Variants in SPOCK3 observed in about 807,000 individuals in gnomAD.
SPOCK3 encodes SPARC (osteonectin), cwcv and kazal like domains proteoglycan 3, also known as testican-3.
In SPOCK3, 30 loss-of-function variants were observed where a neutral mutation model predicts 56.6. The observed-to-expected ratio is 0.53, with a 90% confidence interval of 0.40 to 0.72. The LOEUF is 0.72. Ranked by LOEUF, SPOCK3 falls within the 30% of genes least tolerant of loss-of-function variation. The probability of loss-of-function intolerance (pLI) is 0.00; values close to 1 mark genes in which losing one functional copy is unlikely to be tolerated. For synonymous variants in SPOCK3, 196 were observed against 183.3 expected (o/e 1.07, Z -0.56); for missense variants, 527 against 530.0 (o/e 0.99, Z 0.06).
intron 2 of SPOCK3, among the ~76,000 whole-genome samples, chr4:167,110,752 C>T (rs887444412): frequency 1.3e-5 from 2 of 151,922 alleles, no homozygotes; most frequent in East Asian, 3.9e-4. Context: ...GCCCCAAATT[C>T]CAGGAAACTT....
intron 6 of SPOCK3, among the ~76,000 whole-genome samples, chr4:166,871,918 G>GA (rs1402431356): frequency 2.7e-5 from 4 of 149,254 alleles, no homozygotes; most frequent in Admixed American, 1.3e-4. Context: ...TACCAAATAA[G>GA]AAAAAAAAAT....
chr4:166,752,402 C>T (rs1177315444), intron 8 of SPOCK3, among the ~76,000 whole-genome samples: 1 of 151,966 alleles, frequency 6.6e-6, no homozygotes, highest in African/African-American at 2.4e-5. Context: ...AGAAAAACAT[C>T]ATTATTTTCC....
At chr4:166,753,605 G>A (rs532975977) in intron 8 of SPOCK3, among the ~76,000 whole-genome samples, 1 of 152,046 alleles carries the variant, frequency 6.6e-6, no homozygotes, top group South Asian at 2.1e-4. Context: ...CCCATATAAT[G>A]TGCTGGTTTT....
intron 4 of SPOCK3, among the ~76,000 whole-genome samples, chr4:166,927,778 G>C (rs1242239624): frequency 6.6e-6 from 1 of 151,938 alleles, no homozygotes. Context: ...AGCGTCAAGA[G>C]AATGATGAGG....
chr4:166,746,908 C>T (rs1242507879), intron 8 of SPOCK3, among the ~76,000 whole-genome samples: 1 of 152,094 alleles, frequency 6.6e-6, no homozygotes, highest in Non-Finnish European at 1.5e-5. Context: ...TTCCTGGACA[C>T]ATACACCCTC....
At chr4:166,816,172 C>T (rs1045707382) in intron 6 of SPOCK3, among the ~76,000 whole-genome samples, 3 of 151,950 alleles carry the variant, frequency 2.0e-5, no homozygotes, top group Admixed American at 2.0e-4. Flanking sequence ...TAATTCATTT[C>T]AAATTCATTT....
intron 7 of SPOCK3, among the ~76,000 whole-genome samples, chr4:166,767,112 A>C (rs2126543311): frequency 6.6e-6 from 1 of 151,836 alleles, no homozygotes; most frequent in Admixed American, 6.6e-5. Context: ...GCAGTCTATC[A>C]ATTTTGTTGA....
At chr4:167,194,813 C>T (rs972135086) in intron 2 of SPOCK3, among the ~76,000 whole-genome samples, 2 of 152,144 alleles carry the variant, frequency 1.3e-5, no homozygotes, top group Non-Finnish European at 2.9e-5. Context: ...GACAAGGATA[C>T]ACCACTTCAG....
chr4:167,038,385 T>C (rs541907541), intron 3 of SPOCK3, among the ~76,000 whole-genome samples: 1 of 152,344 alleles, frequency 6.6e-6, no homozygotes, highest in East Asian at 1.9e-4. Flanking sequence ...ATAGCATTCC[T>C]ACATTTTGTG....
At chr4:167,044,625 T>A (rs1753551041) in intron 3 of SPOCK3, among the ~76,000 whole-genome samples, 1 of 152,110 alleles carries the variant, frequency 6.6e-6, no homozygotes, top group African/African-American at 2.4e-5. Context: ...TCACTTTTAT[T>A]TAATTCAAAA....
At chr4:167,224,134 T>C (rs1320424991) in intron 2 of SPOCK3, among the ~76,000 whole-genome samples, 1 of 152,182 alleles carries the variant, frequency 6.6e-6, no homozygotes. Context: ...TAAAGTTGTA[T>C]TTATAAATTC....
intron 6 of SPOCK3, among the ~76,000 whole-genome samples, chr4:166,852,489 G>A (rs1306563957): frequency 4.6e-5 from 7 of 151,968 alleles, no homozygotes; most frequent in African/African-American, 1.2e-4. Context: ...CGAACCCTTT[G>A]GAAAGACCTG....
chr4:167,130,810 TGTATTATAA>T lies in SPOCK3; in HGVS notation c.190-68282_190-68274del, dbSNP rs539045347. Among the ~76,000 whole-genome samples the T allele has an allele frequency of 4.6e-4, 70 of 152,262 alleles. No homozygotes were observed. In the East Asian group the frequency reaches 0.012, roughly 26 times the overall value. On this transcript the variant is annotated intron_variant, in intron 2 of 10. Transcript: ENST00000357545. ...AGCAAAGGACTGAATCACAAAATACTGTATTATAAACCATGTCACTAGAAAAATTTAGAT... is the reference window on the plus strand; with the variant it reads ...AGCAAAGGACTGAATCACAAAATACTACCATGTCACTAGAAAAATTTAGAT...
At chr4:166,933,402 T>C (rs1740011001) in intron 4 of SPOCK3, among the ~76,000 whole-genome samples, 1 of 152,200 alleles carries the variant, frequency 6.6e-6, no homozygotes, top group Non-Finnish European at 1.5e-5. Flanking sequence ...TGGCTCTGGA[T>C]GCCCAGCCAT....
At chr4:166,838,766 C>T (rs538468386) in intron 6 of SPOCK3, among the ~76,000 whole-genome samples, 2 of 142,746 alleles carry the variant, frequency 1.4e-5, no homozygotes, top group South Asian at 2.9e-4. Flanking sequence ...CTGGCTAATA[C>T]AGTGAAACCC....
chr4:166,967,833 A>G (rs28837523), intron 4 of SPOCK3, among the ~76,000 whole-genome samples: 3,732 of 152,272 alleles, frequency 0.025, 166 homozygotes, highest in African/African-American at 0.085. Context: ...GGCTCAAAAA[A>G]AGACAGAAAG....
chr4:167,135,077 T>C (rs1763003905), intron 2 of SPOCK3, among the ~76,000 whole-genome samples: 1 of 149,756 alleles, frequency 6.7e-6, no homozygotes, highest in African/African-American at 2.4e-5. Context: ...TAAATATAAA[T>C]ATATATATAA....
At chr4:166,936,784 TA>T (rs1160972905) in intron 4 of SPOCK3, among the ~76,000 whole-genome samples, 21 of 152,106 alleles carry the variant, frequency 1.4e-4, no homozygotes, top group African/African-American at 4.8e-4. Context: ...TGTCTTGAGT[TA>T]AATACTTAAA....
intron 6 of SPOCK3, among the ~76,000 whole-genome samples, chr4:166,841,891 C>T (rs968636605): frequency 6.6e-6 from 1 of 152,132 alleles, no homozygotes; most frequent in Non-Finnish European, 1.5e-5. Context: ...TGGACCCTTG[C>T]GATGAGTGTT....
Sources: allele counts gnomAD v4.1 joint callset (sites outside exome capture counted in the v4.1 genomes callset), GRCh38; gene constraint gnomAD v4.1.1; transcripts MANE v1.5; gene names NCBI Gene and HGNC (gene_info 2026-07-23, HGNC 2026-07-21).